Variants in PGBD5 observed in about 807,000 individuals in gnomAD.
PGBD5 encodes the protein piggyBac transposable element derived 5.
Under a neutral mutation model 47.9 loss-of-function variants are expected in PGBD5, and 14 were observed. The ratio of observed to expected loss-of-function variants is 0.29; its 90% CI spans 0.19 to 0.46. PGBD5 has a LOEUF of 0.46. Ranked by LOEUF, PGBD5 falls within the 20% of genes least tolerant of loss-of-function variation. PGBD5 has a pLI of 1.00. For synonymous variants in PGBD5, 316 were observed against 306.3 expected (o/e 1.03, Z -0.33); for missense variants, 635 against 716.0 (o/e 0.89, Z 1.29).
At chr1:230,400,581 A>G (rs1657111975) in intron 1 of PGBD5, among the ~76,000 whole-genome samples, 1 of 152,240 alleles carries the variant, frequency 6.6e-6, no homozygotes, top group Non-Finnish European at 1.5e-5. Context: ...CTGCGTGGTC[A>G]CCAAAGAACA....
At chr1:230,400,387 C>G (rs974689163) in intron 1 of PGBD5, among the ~76,000 whole-genome samples, 1 of 151,914 alleles carries the variant, frequency 6.6e-6, no homozygotes, top group Non-Finnish European at 1.5e-5. Flanking sequence ...CCTTCTACAA[C>G]ATTTCCTTTT....
At chr1:230,364,547 C>A (rs1040890317) in intron 1 of PGBD5, among the ~76,000 whole-genome samples, 2 of 152,246 alleles carry the variant, frequency 1.3e-5, no homozygotes, top group African/African-American at 4.8e-5. Context: ...AAGGTACACT[C>A]TGCGTGCATG....
intron 1 of PGBD5, among the ~76,000 whole-genome samples, chr1:230,396,246 CTTTTACCCCCACACTCCTCCT>C (rs1486772169): frequency 0.011 from 168 of 15,118 alleles, 1 homozygote; most frequent in East Asian, 0.048. Context: ...ACACTCCTCC[CTTTTACCCCCACACTCCTCCT>C]TTTTACCCCC....
intron 1 of PGBD5, chr1:230,362,263 G>A: frequency 7.3e-7 from 1 of 1,364,264 alleles, no homozygotes; most frequent in Non-Finnish European, 9.8e-7. Context: ...TCCTCTACCA[G>A]CTCCTTCACC....
chr1:230,377,469 C>T (rs776361346), intron 1 of PGBD5: 1 of 1,609,148 alleles, frequency 6.2e-7, no homozygotes, highest in Non-Finnish European at 8.5e-7. Flanking sequence ...TTGCCCAGAG[C>T]TGGAAGGGCC....
chr1:230,391,186 C>T (rs1031630172), intron 1 of PGBD5, among the ~76,000 whole-genome samples: 4 of 152,118 alleles, frequency 2.6e-5, no homozygotes, highest in African/African-American at 9.7e-5. Context: ...CTGCTACCAG[C>T]CTGTCGCTGT....
chr1:230,325,530 A>G, intron 5 of PGBD5, 115 bp from the exon 6 acceptor site: 1 of 723,262 alleles, frequency 1.4e-6, no homozygotes, highest in Non-Finnish European at 2.4e-6. Context: ...TGAGCAGAGG[A>G]GGAGGAGGGG....
intron 1 of PGBD5, among the ~76,000 whole-genome samples, chr1:230,379,730 C>T (rs930457787): frequency 2.6e-5 from 4 of 152,240 alleles, no homozygotes; most frequent in Non-Finnish European, 5.9e-5. Flanking sequence ...TCGTAGTGAT[C>T]GATCCACCTC....
intron 3 of PGBD5, among the ~76,000 whole-genome samples, chr1:230,347,722 C>T (rs2102699025): frequency 6.6e-6 from 1 of 152,192 alleles, no homozygotes; most frequent in Non-Finnish European, 1.5e-5. Context: ...GGACCCCCAC[C>T]ATCCCTTCAA....
intron 1 of PGBD5, among the ~76,000 whole-genome samples, chr1:230,372,854 G>T (rs1667949877): frequency 6.6e-6 from 1 of 152,130 alleles, no homozygotes; most frequent in South Asian, 2.1e-4. Flanking sequence ...GGGCCCTGCA[G>T]GTGGCTTTCT....
chr1:230,401,959 G>A (rs775667047), intron 1 of PGBD5, among the ~76,000 whole-genome samples: 2 of 152,316 alleles, frequency 1.3e-5, no homozygotes, highest in Non-Finnish European at 2.9e-5. Context: ...TGGGGAGGGA[G>A]GGCAAGGGCT....
At chr1:230,365,384 G>A (rs1354335440) in intron 1 of PGBD5, among the ~76,000 whole-genome samples, 1 of 151,720 alleles carries the variant, frequency 6.6e-6, no homozygotes, top group African/African-American at 2.4e-5. Flanking sequence ...GAGGTCACAT[G>A]ACAAAGGGCT....
At chr1:230,406,225 G>A (rs946698087) in intron 1 of PGBD5, among the ~76,000 whole-genome samples, 1 of 149,372 alleles carries the variant, frequency 6.7e-6, no homozygotes, top group African/African-American at 2.5e-5. Context: ...GGAGAATGGC[G>A]TGAACCCAGG....
intron 3 of PGBD5, among the ~76,000 whole-genome samples, chr1:230,340,503 C>T (rs1469771599): frequency 6.6e-6 from 1 of 152,050 alleles, no homozygotes; most frequent in Admixed American, 6.5e-5. Flanking sequence ...ACTCAAGCGG[C>T]TATTTCTGTA....
intron 1 of PGBD5, among the ~76,000 whole-genome samples, chr1:230,370,489 T>C (rs1304899224): frequency 1.3e-5 from 2 of 152,272 alleles, no homozygotes; most frequent in Non-Finnish European, 2.9e-5. Flanking sequence ...TACGTGTTTA[T>C]GTGCAGGCTT....
At chr1:230,372,381 A>G (rs1254020643) in intron 1 of PGBD5, among the ~76,000 whole-genome samples, 10 of 152,222 alleles carry the variant, frequency 6.6e-5, no homozygotes, top group African/African-American at 2.4e-4. Flanking sequence ...TCTTCATACA[A>G]AAAGACAAAC....
intron 4 of PGBD5, among the ~76,000 whole-genome samples, chr1:230,335,783 A>ACGCAGATG: frequency 0.032 from 22 of 684 alleles, 5 homozygotes; most frequent in African/African-American, 0.053. Flanking sequence ...AGACACACAC[A>ACGCAGATG]CACACACAGG....
At chr1:230,416,548 A>T (rs1657516594) in intron 1 of PGBD5, among the ~76,000 whole-genome samples, 1 of 152,194 alleles carries the variant, frequency 6.6e-6, no homozygotes, top group African/African-American at 2.4e-5. Context: ...GAAGGTAGTG[A>T]TTTTAGATGG....
At chr1:230,331,563 G>T (rs1225401983) in intron 5 of PGBD5, among the ~76,000 whole-genome samples, 2 of 152,024 alleles carry the variant, frequency 1.3e-5, no homozygotes, top group Admixed American at 6.6e-5. Context: ...CCTTCAGCTT[G>T]CAAGGCCAAT....
Sources: gnomAD v4.1 joint callset for allele counts (sites outside exome capture counted in the v4.1 genomes callset) on GRCh38, gnomAD v4.1.1 for gene constraint, MANE v1.5 for transcripts, NCBI Gene and HGNC (gene_info 2026-07-23, HGNC 2026-07-21) for gene names.